RBFOX3: variants seen among roughly 807,000 people sequenced by gnomAD.
RBFOX3 encodes RNA binding protein fox-1 homolog 3.
In RBFOX3, 17 loss-of-function variants were observed where a neutral mutation model predicts 48.7. The ratio of observed to expected loss-of-function variants is 0.35; its 90% CI spans 0.24 to 0.52. RBFOX3 has a LOEUF of 0.52. Among genes scored for constraint, RBFOX3 ranks in the 20% least tolerant of loss-of-function variants. RBFOX3 has a pLI of 0.94. For missense variants in RBFOX3, 382 were observed against 497.5 expected, an observed-to-expected ratio of 0.77 and a Z score of 2.21; for synonymous variants, 212 against 209.5, an observed-to-expected ratio of 1.01 and a Z score of -0.10.
intron 3 of RBFOX3, among the ~76,000 whole-genome samples, chr17:79,283,027 C>T (rs926611683): frequency 6.6e-6 from 1 of 152,104 alleles, no homozygotes; most frequent in African/African-American, 2.4e-5. Context: ...CACAGGCACA[C>T]AATCTGAGTG....
intron 1 of RBFOX3, among the ~76,000 whole-genome samples, chr17:79,607,921 G>A (rs2093872613): frequency 6.6e-6 from 1 of 152,218 alleles, no homozygotes; most frequent in Non-Finnish European, 1.5e-5. Flanking sequence ...GACAGGCGCA[G>A]GACAGAAGGC....
intron 2 of RBFOX3, among the ~76,000 whole-genome samples, chr17:79,393,189 T>G (rs768182000): frequency 4.1e-4 from 63 of 152,276 alleles, no homozygotes; most frequent in Middle Eastern, 6.8e-3. Flanking sequence ...ACACAAAACC[T>G]TTATGGAGAC....
At chr17:79,559,643 G>GTGGATGGGAGGA (rs2092052135) in intron 1 of RBFOX3, among the ~76,000 whole-genome samples, 1 of 108,450 alleles carries the variant, frequency 9.2e-6, no homozygotes, top group African/African-American at 3.3e-5. Flanking sequence ...ATGGTGAATA[G>GTGGATGGGAGGA]TGGATGGGTG....
intron 2 of RBFOX3, among the ~76,000 whole-genome samples, chr17:79,369,181 A>G (rs1275846635): frequency 1.3e-5 from 2 of 151,934 alleles, no homozygotes; most frequent in Non-Finnish European, 2.9e-5. Context: ...GCAACGGGCA[A>G]CTCTGGGTGG....
At chr17:79,338,649 G>C (rs1351274068) in intron 2 of RBFOX3, among the ~76,000 whole-genome samples, 1 of 152,118 alleles carries the variant, frequency 6.6e-6, no homozygotes, top group Non-Finnish European at 1.5e-5. Flanking sequence ...ACATCCCCCA[G>C]GAGTAGAATC....
chr17:79,109,188 G>A (rs2078025923), intron 5 of RBFOX3, among the ~76,000 whole-genome samples: 1 of 152,222 alleles, frequency 6.6e-6, no homozygotes, highest in African/African-American at 2.4e-5. Flanking sequence ...CTCTCGGAGG[G>A]CATGAGCCCC....
the RBFOX3 span, among the ~76,000 whole-genome samples, chr17:79,630,191 T>C: frequency 1.3e-5 from 2 of 152,218 alleles, no homozygotes. Context: ...GGTCCGCCTG[T>C]AGGGTTTCCA....
At chr17:79,354,116 G>C (rs12946043) in intron 2 of RBFOX3, among the ~76,000 whole-genome samples, 149,486 of 152,286 alleles carry the variant, frequency 0.98, 73,426 homozygotes, top group East Asian at 1. Flanking sequence ...GTCCACAACC[G>C]CCTCCAGAGG....
At chr17:79,596,564 A>G (rs1001769716) in intron 1 of RBFOX3, among the ~76,000 whole-genome samples, 2 of 152,112 alleles carry the variant, frequency 1.3e-5, no homozygotes, top group African/African-American at 2.4e-5. Flanking sequence ...ATGAGCCACA[A>G]AGGCCCCTGC....
chr17:79,608,792 A>T (rs2093897850), intron 1 of RBFOX3, among the ~76,000 whole-genome samples: 1 of 148,022 alleles, frequency 6.8e-6, no homozygotes, highest in African/African-American at 2.5e-5. Context: ...CGAGGCGCCC[A>T]CGCAGGAAGG....
At chr17:79,611,183 T>TCTCTCTCTCTCTCTCTC (rs2093965331), upstream of RBFOX3, among the ~76,000 whole-genome samples, 2 of 41,494 alleles carry the variant, frequency 4.8e-5, no homozygotes, top group African/African-American at 5.1e-4. Flanking sequence ...TCCGCCCTCC[T>TCTCTCTCTCTCTCTCTC]TCTCTCTCTC....
At chr17:79,441,191 G>A in intron 2 of RBFOX3, among the ~76,000 whole-genome samples, 1 of 152,244 alleles carries the variant, frequency 6.6e-6, no homozygotes, top group African/African-American at 2.4e-5. Context: ...CCCAGAGATG[G>A]GTCCAAGCGT....
intron 4 of RBFOX3, among the ~76,000 whole-genome samples, chr17:79,196,652 A>C (rs568420605): frequency 1.3e-5 from 2 of 152,084 alleles, no homozygotes; most frequent in Non-Finnish European, 2.9e-5. Flanking sequence ...CTTCACCCGG[A>C]TGGACTGCAC....
At chr17:79,499,886 T>C (rs1325744569) in intron 1 of RBFOX3, among the ~76,000 whole-genome samples, 14 of 152,214 alleles carry the variant, frequency 9.2e-5, no homozygotes, top group Admixed American at 9.2e-4. Context: ...TCTCTATTCT[T>C]TCCTACTTCA....
chr17:79,224,242 A>G (rs578196545), intron 4 of RBFOX3, among the ~76,000 whole-genome samples: 1 of 152,268 alleles, frequency 6.6e-6, no homozygotes, highest in South Asian at 2.1e-4. Context: ...GAATCCAGGC[A>G]GCCCACCCGA....
chr17:79,410,571 T>C (rs897430311), intron 2 of RBFOX3, among the ~76,000 whole-genome samples: 2 of 151,816 alleles, frequency 1.3e-5, no homozygotes, highest in Non-Finnish European at 2.9e-5. Context: ...GATTCCACAG[T>C]AAAAGGGATG....
At chr17:79,270,047 A>T (rs949696072) in intron 3 of RBFOX3, among the ~76,000 whole-genome samples, 10 of 151,032 alleles carry the variant, frequency 6.6e-5, no homozygotes, top group African/African-American at 2.4e-4. Context: ...CCCTCTGCGA[A>T]TCACTCCCTT....
At chr17:79,483,644 C>A (rs1342891259) in intron 1 of RBFOX3, among the ~76,000 whole-genome samples, 2 of 151,554 alleles carry the variant, frequency 1.3e-5, no homozygotes, top group Non-Finnish European at 2.9e-5. Context: ...ATCCCGCCAT[C>A]CCACTTTGCC....
chr17:79,615,884 C>T (rs2093991844), upstream of RBFOX3, among the ~76,000 whole-genome samples: 1 of 152,200 alleles, frequency 6.6e-6, no homozygotes, highest in Non-Finnish European at 1.5e-5. Flanking sequence ...AAGCGTGGGG[C>T]AGCTGCGGTT....
Sources: allele counts gnomAD v4.1 joint callset (sites outside exome capture counted in the v4.1 genomes callset), GRCh38; gene constraint gnomAD v4.1.1; transcripts MANE v1.5; gene names NCBI Gene and HGNC (gene_info 2026-07-23, HGNC 2026-07-21).